The following TRPM4 variants were observed in gnomAD, a reference collection of about 807,000 sequenced individuals.
The protein encoded by TRPM4 is calcium-activated non-selective cation channel 1.
TRPM4 carries 124 observed loss-of-function variants against 135.6 expected under a neutral mutation model. The ratio of observed to expected loss-of-function variants is 0.91; its 90% CI spans 0.79 to 1.06. The LOEUF (loss-of-function observed/expected upper bound fraction) is 1.06. Ranked by LOEUF, TRPM4 falls within the 50% of genes least tolerant of loss-of-function variation. The probability of loss-of-function intolerance (pLI) is 0.00; values close to 1 mark genes in which losing one functional copy is unlikely to be tolerated. For synonymous variants in TRPM4, 745 were observed against 705.6 expected (o/e 1.06, Z -0.88); for missense variants, 1,658 against 1,671.4 (o/e 0.99, Z 0.14).
chr19:49,158,005 G>A (rs934094348), intron 1 of TRPM4, 115 bp downstream of exon 1: 1 of 1,341,154 alleles, frequency 7.5e-7, no homozygotes, highest in Non-Finnish European at 1.0e-6. Flanking sequence ...GAGGGGGATG[G>A]GAGGGTCCAG....
At chr19:49,165,415 T>C (rs1967132534) in intron 2 of TRPM4, among the ~76,000 whole-genome samples, 1 of 152,192 alleles carries the variant, frequency 6.6e-6, no homozygotes, top group African/African-American at 2.4e-5. Context: ...GAAAAAGGAA[T>C]GACTTTCTCA....
chr19:49,189,210 C>T (rs1435396086), intron 14 of TRPM4, 119 bp downstream of exon 14: 7 of 1,437,538 alleles, frequency 4.9e-6, no homozygotes, highest in Non-Finnish European at 5.8e-6. Context: ...CCCTGGAGAT[C>T]CCCCAGAAAG....
At position 49,200,385 on chromosome 19, in the gene TRPM4, A is replaced by G; in HGVS notation, c.2731A>G (p.Thr911Ala). 6.2e-7 allele frequency: 1 copy of G among 1,608,960 alleles called. No individual in the cohort carries two copies. Among genetic ancestry groups the G allele is most frequent in the South Asian group, 1.1e-5 (1 of 90,902 alleles). The change falls in exon 18 of 25, where the codon ACG (threonine) becomes GCG (alanine). Residue 911 changes from threonine (T) to alanine (A), a missense_variant. Physicochemically the swap from Thr to Ala is moderately conservative, Grantham distance 58 (BLOSUM62 0). Coordinates refer to ENST00000252826, the MANE Select transcript of TRPM4 (RefSeq NM_017636.4). ...VFTVRLLHIFTVNKQLGPKIV... is the reference protein window; with the variant it reads ...VFTVRLLHIFAVNKQLGPKIV... ...CACGGTGCGGCTGCTTCACATCTTC[A>G]CGGTCAACAAACAGCTGGGGCCCAA...
chr19:49,166,815 T>G (rs532411326), intron 3 of TRPM4, among the ~76,000 whole-genome samples: 2 of 150,454 alleles, frequency 1.3e-5, no homozygotes, highest in East Asian at 4.0e-4. Flanking sequence ...TTTCTCTGTG[T>G]CTCTGTCCCC....
At position 49,210,387 on chromosome 19, in the gene TRPM4, C is replaced by T; in HGVS notation, c.3310C>T (p.Pro1104Ser). The change falls in exon 21 of 25, where the codon CCG becomes TCG. Residue 1104 changes from proline (P) to serine (S), a missense_variant. Transcript: ENST00000252826. This position sits in a 1 kb window ranked among gnomAD's most constrained non-coding sequence, Gnocchi z 4.1. The part of the protein sequence containing the change: ...RRPRSPQPSS[P>S]ALEHFRVYLS... The stretch of plus-strand genomic sequence containing the variant: ...ACCCCGGAGCCCCCAGCCGTCCTCC[C>T]CGGCCCTCGAGCATTTCCGTAAGAA... The T allele has an allele frequency of 1.2e-6, 2 of 1,613,884 alleles. No homozygotes were observed. Among genetic ancestry groups the T allele is most frequent in the Non-Finnish European group, 1.7e-6 (2 of 1,180,046 alleles).
intron 1 of TRPM4, 24 bp downstream of exon 1, chr19:49,157,914 G>A (rs2041544135): frequency 2.0e-6 from 3 of 1,535,208 alleles, no homozygotes; most frequent in Admixed American, 2.0e-5. Flanking sequence ...CAGGGTCTGC[G>A]GGAGCGCGGA....
intron 20 of TRPM4, among the ~76,000 whole-genome samples, chr19:49,208,794 C>T (rs749836913): frequency 2.0e-5 from 3 of 151,912 alleles, no homozygotes; most frequent in Non-Finnish European, 4.4e-5. Context: ...CCCATCTTTA[C>T]TAAAAATACA....
chr19:49,184,537 T>G (rs989697212), intron 12 of TRPM4, among the ~76,000 whole-genome samples: 10 of 137,490 alleles, frequency 7.3e-5, no homozygotes, highest in Middle Eastern at 7.8e-3. Flanking sequence ...CTCCGCTCAC[T>G]GCAAGCTCTG....
At chr19:49,181,295 GC>G (rs1967908921) in intron 9 of TRPM4, 53 bp from the exon 10 acceptor site, 3 of 1,325,534 alleles carry the variant, frequency 2.3e-6, no homozygotes, top group Non-Finnish European at 3.3e-6. Flanking sequence ...TAGACATTCA[GC>G]AGATGTCCCT....
At chr19:49,200,846 C>T in intron 19 of TRPM4, 61 bp downstream of exon 19, 1 of 1,565,698 alleles carries the variant, frequency 6.4e-7, no homozygotes, top group East Asian at 2.3e-5. Flanking sequence ...CCCTGGGTCT[C>T]TGTCCTCCTG....
chr19:49,158,187 C>T lies in TRPM4; in HGVS notation c.25-5C>T, dbSNP rs1192389486. On this transcript the variant is annotated splice_region_variant and splice_polypyrimidine_tract_variant and intron_variant, in intron 1 of 24. Coordinates refer to ENST00000252826, the MANE Select transcript of TRPM4 (RefSeq NM_017636.4). ...TTCCACCCCTACATTTGTTCCTGTC[C>T]CCAGAGCTGGATCCCCAAGATCTTC... 5 of 1,613,788 alleles carry T rather than the reference C, an allele frequency of 3.1e-6. No homozygotes were observed. Among genetic ancestry groups the T allele is most frequent in the Non-Finnish European group, 4.2e-6 (5 of 1,179,838 alleles).
intron 16 of TRPM4, among the ~76,000 whole-genome samples, chr19:49,191,501 C>T (rs556701218): frequency 6.6e-6 from 1 of 151,428 alleles, no homozygotes; most frequent in South Asian, 2.1e-4. Flanking sequence ...CCACCGGGCC[C>T]AGCCAGGGAT....
At position 49,210,396 on chromosome 19, in the gene TRPM4, G is replaced by C. The variant is rs1205543356; in HGVS notation, c.3319G>C (p.Glu1107Gln). 6.2e-7 allele frequency: 1 copy of C among 1,613,492 alleles called. No individual in the cohort carries two copies. The highest frequency in any genetic ancestry group is 8.5e-7 in the Non-Finnish European group (1 of 1,180,016). The change falls in exon 21 of 25, where the codon GAG becomes CAG. Residue 1107 changes from glutamate (E) to glutamine (Q), a missense_variant. By Grantham distance (29) the Glu-to-Gln change is conservative. This residue lies in a region of TRPM4 where 1,412 missense variants were observed against 1,408.7 expected (regional missense o/e 1.00). Coordinates refer to ENST00000252826, the MANE Select transcript of TRPM4 (RefSeq NM_017636.4). This position sits in a 1 kb window ranked among gnomAD's most constrained non-coding sequence, Gnocchi z 4.1. Reference protein sequence around the residue: ...RSPQPSSPALEHFRVYLSKEA... With the variant: ...RSPQPSSPALQHFRVYLSKEA... ...CCCCCAGCCGTCCTCCCCGGCCCTC[G>C]AGCATTTCCGTAAGAACAGAGCTTG...
At position 49,211,449 on chromosome 19, in the gene TRPM4, C is replaced by T. The variant is rs1389192421; in HGVS notation, c.3641-45C>T. On this transcript the variant is annotated intron_variant, in intron 24 of 24. Transcript: ENST00000252826. The surrounding 1 kb of genome is among the most constrained non-coding windows in gnomAD (Gnocchi z 4.8). ...AGTCTCCCAGTTTTTCTGTCTCTCC[C>T]CTTCCCTGCCAATCACCTGCTCTCT... 13 of 1,613,720 alleles carry T rather than the reference C, an allele frequency of 8.1e-6. No homozygotes were observed. The highest frequency in any genetic ancestry group is 1.1e-5 in the Non-Finnish European group (13 of 1,179,996).
chr19:49,201,812 C>A, intron 19 of TRPM4, 152 bp from the exon 20 acceptor site: 1 of 838,230 alleles, frequency 1.2e-6, no homozygotes, highest in Non-Finnish European at 2.0e-6. Context: ...ATTGGTCAGG[C>A]TAGTCTCAAA....
rs750590052 is a variant in TRPM4, at chr19:49,166,117, G to A, written c.169G>A (p.Val57Met). 1.9e-6 allele frequency: 3 copies of A among 1,604,146 alleles called. No homozygotes were observed. The highest frequency in any genetic ancestry group is 1.7e-5 in the Admixed American group (1 of 58,314). ...VAMEDAFGAA[V>M]VTVWDSDAHT... ...CATGGAGGATGCCTTCGGGGCAGCC[G>A]TGGTGACCGTGTGGGACAGCGATGC... The change falls in exon 3 of 25, where the codon GTG becomes ATG. Residue 57 changes from valine (V) to methionine (M), a missense_variant. Around this residue, in one of 3 missense-constraint regions of TRPM4, gnomAD observed 239 missense variants for 240.1 expected, o/e 1.00. Transcript: ENST00000252826.
intron 6 of TRPM4, among the ~76,000 whole-genome samples, chr19:49,169,876 T>C (rs948004304): frequency 2.0e-5 from 3 of 152,078 alleles, no homozygotes; most frequent in South Asian, 2.1e-4. Flanking sequence ...TCTTATAATT[T>C]TATCAAAACA....
chr19:49,180,873 TCATC>T (rs2122909351), intron 9 of TRPM4, among the ~76,000 whole-genome samples: 1 of 152,002 alleles, frequency 6.6e-6, no homozygotes, highest in East Asian at 1.9e-4. Context: ...CTTTATCCTT[TCATC>T]CATCCATTTA....
At chr19:49,186,873 CAAA>C (rs552909059) in intron 12 of TRPM4, among the ~76,000 whole-genome samples, 1 of 113,854 alleles carries the variant, frequency 8.8e-6, no homozygotes, top group Non-Finnish European at 1.9e-5. Context: ...AACTCCGTCT[CAAA>C]AAAAAAAAAA....
Sources: gnomAD v4.1 joint callset for allele counts (sites outside exome capture counted in the v4.1 genomes callset) on GRCh38, gnomAD v4.1.1 for gene constraint, gnomAD v4.1.1 regional missense constraint, Gnocchi (gnomAD v3.1) non-coding constraint, MANE v1.5 for transcripts, NCBI Gene and HGNC (gene_info 2026-07-23, HGNC 2026-07-21) for gene names.